STK32B: variants seen among roughly 807,000 people sequenced by gnomAD.
STK32B encodes serine/threonine-protein kinase 32B.
STK32B carries 43 observed loss-of-function variants against 52.6 expected under a neutral mutation model. That is an observed-to-expected ratio of 0.82 (90% CI 0.64 to 1.05). STK32B has a LOEUF of 1.05. Among genes scored for constraint, STK32B ranks in the 50% least tolerant of loss-of-function variants. The pLI, the probability that STK32B is intolerant of heterozygous loss-of-function variation, is 0.00. For missense variants in STK32B, 621 were observed against 534.6 expected (o/e 1.16, Z -1.59); for synonymous variants, 238 against 204.3 (o/e 1.17, Z -1.41).
At chr4:5,366,620 C>T (rs190312865) in intron 4 of STK32B, among the ~76,000 whole-genome samples, 3 of 152,338 alleles carry the variant, frequency 2.0e-5, no homozygotes, top group African/African-American at 7.2e-5. Flanking sequence ...CCCAGTCACC[C>T]GGCCCAGGCG....
At chr4:5,454,160 A>G (rs1716288810) in intron 7 of STK32B, among the ~76,000 whole-genome samples, 1 of 152,112 alleles carries the variant, frequency 6.6e-6, no homozygotes. Flanking sequence ...GGCCCCATCT[A>G]CAGAGGTCAC....
chr4:5,327,716 T>C (rs985712072), intron 3 of STK32B, among the ~76,000 whole-genome samples: 3 of 152,146 alleles, frequency 2.0e-5, no homozygotes, highest in African/African-American at 7.2e-5. Flanking sequence ...ATTTTCAAAA[T>C]GGTAAATGAG....
In STK32B at chr4:5,438,151, G is replaced by C. The variant is rs1040441974; in HGVS notation, c.563-8522G>C. On this transcript the variant is annotated intron_variant, in intron 6 of 11. Coordinates refer to ENST00000282908, the MANE Select transcript of STK32B (RefSeq NM_018401.3). Reference sequence around the variant, plus strand: ...GGTGCACCCTGCGCTATTGGAGCTTGTGGGCTGGCCCAGCATGAAGGGACT... The same window carrying C: ...GGTGCACCCTGCGCTATTGGAGCTTCTGGGCTGGCCCAGCATGAAGGGACT... The C allele has an allele frequency of 1.1e-5, 11 of 984,682 alleles. No homozygotes were observed. In the East Asian group the frequency reaches 7.9e-4, roughly 71 times the overall value. The allele number at this position is 984,682 out of a possible 1,614,324, so 61.0% of individuals were successfully genotyped here.
At chr4:5,067,297 G>A (rs936937249) in intron 1 of STK32B, among the ~76,000 whole-genome samples, 2 of 152,120 alleles carry the variant, frequency 1.3e-5, no homozygotes, top group African/African-American at 4.8e-5. Context: ...CAACACATGG[G>A]AATTATGGGA....
chr4:5,106,860 A>G (rs1261816395), intron 1 of STK32B, among the ~76,000 whole-genome samples: 3 of 152,176 alleles, frequency 2.0e-5, no homozygotes, highest in Non-Finnish European at 4.4e-5. Context: ...CTGGCCCTTA[A>G]ATGTCCTGTT....
Position 5,275,138 on chromosome 4 carries a change from C to T in STK32B, c.261-56082C>T, listed in dbSNP as rs767696528. Among the ~76,000 whole-genome samples, 24 of 152,294 alleles carry T rather than the reference C, an allele frequency of 1.6e-4. No homozygotes were observed. In the East Asian group the frequency reaches 1.9e-3, roughly 12 times the overall value. ...TGCCATCATCTTGGAAGTGGCCCAC[C>T]GCCATTTTGGAAGTGGCCTGCCACC... is the stretch of plus-strand genomic sequence containing the variant. On this transcript the variant is annotated intron_variant, in intron 3 of 11. Coordinates refer to ENST00000282908, the MANE Select transcript of STK32B (RefSeq NM_018401.3).
chr4:5,052,798 C>G (rs991627805), intron 1 of STK32B, among the ~76,000 whole-genome samples: 5 of 152,186 alleles, frequency 3.3e-5, no homozygotes, highest in Non-Finnish European at 7.3e-5. Flanking sequence ...AAGCTGGTTT[C>G]CTACTGTGCT....
chr4:5,025,082 C>T, the STK32B span, among the ~76,000 whole-genome samples: 10 of 152,160 alleles, frequency 6.6e-5, no homozygotes, highest in East Asian at 1.9e-4. Flanking sequence ...CCTCCCCAGG[C>T]GCCTCTGCAG....
At position 5,306,786 on chromosome 4, in the gene STK32B, G is replaced by C. The variant is rs142139069; in HGVS notation, c.261-24434G>C. ...CCATTTTGGTGTATTTTGAGGATTT[G>C]TTTCAAGATTTAGAGCTTCTTTAAG... On this transcript the variant is annotated intron_variant, in intron 3 of 11. Transcript: ENST00000282908. Among the ~76,000 whole-genome samples the C allele has an allele frequency of 1.5e-3, 227 of 152,276 alleles. 1 individual carries two copies. Among genetic ancestry groups the C allele is most frequent in the African/African-American group, 5.1e-3 (212 of 41,578 alleles).
intron 1 of STK32B, among the ~76,000 whole-genome samples, chr4:5,123,104 A>G (rs959806858): frequency 4.6e-5 from 7 of 151,766 alleles, no homozygotes; most frequent in African/African-American, 1.5e-4. Context: ...CCACCTCCCC[A>G]CAGAGTGGTT....
At chr4:5,223,585 G>A (rs865835544) in intron 3 of STK32B, among the ~76,000 whole-genome samples, 15 of 151,870 alleles carry the variant, frequency 9.9e-5, no homozygotes, top group African/African-American at 2.9e-4. Context: ...AGGCTGAGGC[G>A]GGCGAATCAC....
chr4:5,466,281 G>A (rs1717428296), intron 9 of STK32B, among the ~76,000 whole-genome samples: 1 of 152,174 alleles, frequency 6.6e-6, no homozygotes, highest in Non-Finnish European at 1.5e-5. Flanking sequence ...GGGAACCAGG[G>A]CAGGAAGTTG....
At chr4:5,235,011 A>G (rs949383838) in intron 3 of STK32B, among the ~76,000 whole-genome samples, 6 of 152,222 alleles carry the variant, frequency 3.9e-5, no homozygotes, top group African/African-American at 1.4e-4. Context: ...GAATTTTTAC[A>G]TATGACAGTT....
At chr4:5,310,915 G>A (rs72616105) in intron 3 of STK32B, among the ~76,000 whole-genome samples, 19,473 of 152,150 alleles carry the variant, frequency 0.13, 2,696 homozygotes, top group African/African-American at 0.35. Context: ...TGAACATTAT[G>A]TTAGATAAAA....
intron 4 of STK32B, among the ~76,000 whole-genome samples, chr4:5,387,634 G>C (rs867503216): frequency 6.6e-6 from 1 of 152,172 alleles, no homozygotes; most frequent in African/African-American, 2.4e-5. Flanking sequence ...TGCACAGGTC[G>C]GTCAAGCGAC....
At chr4:5,310,825 G>A (rs1223115965) in intron 3 of STK32B, among the ~76,000 whole-genome samples, 1 of 152,156 alleles carries the variant, frequency 6.6e-6, no homozygotes, top group Non-Finnish European at 1.5e-5. Context: ...TACAGAAAAT[G>A]TGGTATATGT....
At chr4:5,089,708 A>G (rs6446318) in intron 1 of STK32B, among the ~76,000 whole-genome samples, 27,136 of 152,046 alleles carry the variant, frequency 0.18, 2,789 homozygotes, top group African/African-American at 0.29. Context: ...TATTCCTTTG[A>G]GTATATACCT....
chr4:5,446,864 C>G, intron 7 of STK32B, 88 bp downstream of exon 7: 2 of 1,349,920 alleles, frequency 1.5e-6, no homozygotes, highest in Non-Finnish European at 2.1e-6. Flanking sequence ...GCAGGGCCCG[C>G]GGTGCAGGAA....
the STK32B span, among the ~76,000 whole-genome samples, chr4:5,038,218 C>T: frequency 1.4e-4 from 21 of 152,274 alleles, no homozygotes; most frequent in Admixed American, 3.9e-4. Flanking sequence ...TTTCATTTTG[C>T]TGAACATTTG....
Sources: allele counts gnomAD v4.1 joint callset (sites outside exome capture counted in the v4.1 genomes callset), GRCh38; gene constraint gnomAD v4.1.1; transcripts MANE v1.5; gene names NCBI Gene and HGNC (gene_info 2026-07-23, HGNC 2026-07-21).